The following DEPDC5 variants were observed in gnomAD, a reference collection of about 807,000 sequenced individuals.
DEPDC5 encodes the protein DEP domain containing 5, GATOR1 subcomplex subunit.
DEPDC5 carries 73 observed loss-of-function variants against 217.3 expected under a neutral mutation model. The ratio of observed to expected loss-of-function variants is 0.34; its 90% CI spans 0.28 to 0.41. DEPDC5 has a LOEUF of 0.41. Among genes scored for constraint, DEPDC5 ranks in the 10% least tolerant of loss-of-function variants. The pLI is 1.00. For missense variants in DEPDC5, 1,675 were observed against 2,070.1 expected (o/e 0.81, Z 3.70); for synonymous variants, 733 against 756.7 (o/e 0.97, Z 0.51).
In DEPDC5 at chr22:31,876,219, C is replaced by T. The variant is rs781064503; in HGVS notation, c.3759C>T (p.Tyr1253=). The change falls in exon 37 of 43, where the codon TAC becomes TAT. Residue 1253 remains tyrosine, a synonymous_variant. Coordinates refer to ENST00000651528, the MANE Select transcript of DEPDC5 (RefSeq NM_001242896.3). ...GCGAAGCCTGGCGGACCTTCATCTA[C>T]GGCTTCTATTTCTACAAGATAGTAA... ...ASGEAWRTFI[Y]GFYFYKIVTD... is the part of the protein sequence containing the mutation. 8.7e-6 allele frequency: 14 copies of T among 1,613,944 alleles called. No individual in the cohort carries two copies. The highest frequency in any genetic ancestry group is 1.7e-4 in the Middle Eastern group (1 of 5,992).
rs113767700 is a variant in DEPDC5, at chr22:31,818,871, T to C, written c.1667-151T>C. 1.2e-5 allele frequency: 9 copies of C among 738,290 alleles called. No homozygotes were observed. The African/African-American group carries it at 1.2e-4, about 10-fold the overall frequency. The allele number at this position is 738,290 out of a possible 1,614,324, so 45.7% of individuals were successfully genotyped here. On this transcript the variant is annotated intron_variant, in intron 21 of 42. Coordinates refer to ENST00000651528, the MANE Select transcript of DEPDC5 (RefSeq NM_001242896.3). ...CAAATGCAAACATATTTCATTTCTT[T>C]ATAGTTTGACAGTTTTGCTCATTTC... is the stretch of plus-strand genomic sequence containing the variant.
chr22:31,819,003 A>G lies in DEPDC5; in HGVS notation c.1667-19A>G. The stretch of plus-strand genomic sequence containing the variant: ...TTCTGTGGTTTTTCTTTGTGACTCA[A>G]CTCCATGATAACTGGCAGATGTCCT... On this transcript the variant is annotated intron_variant, in intron 21 of 42. Coordinates refer to ENST00000651528, the MANE Select transcript of DEPDC5 (RefSeq NM_001242896.3). 6.2e-7 allele frequency: 1 copy of G among 1,613,662 alleles called. No individual in the cohort carries two copies. The highest frequency in any genetic ancestry group is 1.1e-5 in the South Asian group (1 of 91,058).
intron 31 of DEPDC5, chr22:31,852,928 A>C (rs1005867916): frequency 6.6e-6 from 1 of 152,378 alleles, no homozygotes; most frequent in Non-Finnish European, 1.5e-5. Flanking sequence ...GAGGCAGCTG[A>C]AGCTGGATGG....
At chr22:31,880,107 CCCTA>C (rs2093134501) in intron 38 of DEPDC5, 1 of 282,198 alleles carries the variant, frequency 3.5e-6, no homozygotes, top group Admixed American at 4.5e-5. Flanking sequence ...CGGAGCCCCT[CCCTA>C]CAACCATAGC....
At chr22:31,758,682 A>G (rs902191906) in intron 3 of DEPDC5, 49 bp downstream of exon 3, 2 of 1,542,704 alleles carry the variant, frequency 1.3e-6, no homozygotes, top group Non-Finnish European at 1.8e-6. Context: ...CTGTTTCCAA[A>G]TGATGTCCAA....
chr22:31,846,961 G>A lies in DEPDC5; in HGVS notation c.3149G>A (p.Ser1050Asn). Residue 1050 changes from serine (S) to asparagine (N), a missense_variant, in exon 31 of 43, where the codon AGT becomes AAT. Coordinates refer to ENST00000651528, the MANE Select transcript of DEPDC5 (RefSeq NM_001242896.3). ...TCTGCCCTGTTGGAGATGGAGGCCA[G>A]TCAGAAGTAAGTGCTTGGTGGAAGA... is the stretch of plus-strand genomic sequence containing the variant. ...ALSALLEMEA[S>N]QKCLGEQQAA... is the part of the protein sequence containing the mutation. 1 of 1,614,258 alleles carries A rather than the reference G, an allele frequency of 6.2e-7. No homozygotes were observed. The highest frequency in any genetic ancestry group is 8.5e-7 in the Non-Finnish European group (1 of 1,180,046).
chr22:31,879,009 G>T (rs1219060766), intron 37 of DEPDC5, among the ~76,000 whole-genome samples: 1 of 127,284 alleles, frequency 7.9e-6, no homozygotes, highest in Non-Finnish European at 1.6e-5. Flanking sequence ...CAGCCTGGGC[G>T]ACAGAGCGAG....
chr22:31,802,565 G>GTA, intron 14 of DEPDC5, 139 bp from the exon 15 acceptor site: 1 of 969,996 alleles, frequency 1.0e-6, no homozygotes, highest in Non-Finnish European at 1.5e-6. Flanking sequence ...AGACAGATGC[G>GTA]TATACATTTA....
In DEPDC5 at chr22:31,879,611, T is replaced by G. The variant is rs2093120418; in HGVS notation, c.3892T>G (p.Phe1298Val). Residue 1298 changes from phenylalanine to valine, a missense_variant, in exon 38 of 43, where the codon TTT (phenylalanine) becomes GTT (valine). Phe to Val is a conservative substitution (Grantham distance 50). Transcript: ENST00000651528. ...SFQRKWFEVA[F>V]VAEELVHSEI... ...CCAGCGCAAGTGGTTTGAGGTGGCC[T>G]TTGTGGCAGAAGAGCTCGTGCACTC... 1 of 1,613,988 alleles carries G rather than the reference T, an allele frequency of 6.2e-7. No homozygotes were observed. The highest frequency in any genetic ancestry group is 2.2e-5 in the East Asian group (1 of 44,884).
chr22:31,836,849 A>C, intron 25 of DEPDC5, 123 bp from the exon 26 acceptor site: 10 of 892,564 alleles, frequency 1.1e-5, no homozygotes, highest in East Asian at 7.9e-5. Context: ...AATCCTGGCA[A>C]TTTTACCATC....
chr22:31,833,781 A>G, intron 24 of DEPDC5, 134 bp from the exon 25 acceptor site: 1 of 659,284 alleles, frequency 1.5e-6, no homozygotes, highest in Non-Finnish European at 2.5e-6. Flanking sequence ...TACTGTTTGA[A>G]ATACTCAGCA....
intron 18 of DEPDC5, among the ~76,000 whole-genome samples, chr22:31,809,400 C>T (rs2087969829): frequency 6.6e-6 from 1 of 152,190 alleles, no homozygotes; most frequent in Non-Finnish European, 1.5e-5. Context: ...TTGTAAGGGG[C>T]AGTCCATTCC....
Position 31,879,699 on chromosome 22 carries a change from A to C in DEPDC5, c.3980A>C (p.His1327Pro), listed in dbSNP as rs1307809640. 6.2e-7 allele frequency: 1 copy of C among 1,614,166 alleles called. No homozygotes were observed. The highest frequency in any genetic ancestry group is 1.7e-5 in the Admixed American group (1 of 60,020). Residue 1327 changes from histidine to proline, a missense_variant, in exon 38 of 43, where the codon CAC (histidine) becomes CCC (proline). His to Pro is a moderately conservative substitution (Grantham distance 77, BLOSUM62 -2). Coordinates refer to ENST00000651528, the MANE Select transcript of DEPDC5 (RefSeq NM_001242896.3). ...PSRPASYASR[H>P]SSFSRSFGGR... is the part of the protein sequence containing the mutation. ...CGGCCAGCCTCCTATGCAAGTAGGCACAGCTCCTTTAGCCGAAGTTTTGGA... is the reference window on the plus strand; with the variant it reads ...CGGCCAGCCTCCTATGCAAGTAGGCCCAGCTCCTTTAGCCGAAGTTTTGGA...
chr22:31,845,299 C>T (rs781705867), intron 30 of DEPDC5, 62 bp downstream of exon 30: 19 of 1,545,478 alleles, frequency 1.2e-5, no homozygotes, highest in Non-Finnish European at 1.6e-5. Flanking sequence ...GCCACCTCCT[C>T]TATTAGGGGC....
chr22:31,900,791 A>C (rs933816677), intron 40 of DEPDC5, among the ~76,000 whole-genome samples: 1 of 151,960 alleles, frequency 6.6e-6, no homozygotes, highest in African/African-American at 2.4e-5. Flanking sequence ...AGCAGCTTAC[A>C]TGGTCCAGGC....
intron 4 of DEPDC5, among the ~76,000 whole-genome samples, chr22:31,760,982 GT>G (rs201553511): frequency 6.0e-4 from 84 of 139,132 alleles, no homozygotes; most frequent in East Asian, 8.4e-4. Flanking sequence ...TCTTAACATT[GT>G]TTTTTTTTTT....
In DEPDC5 at chr22:31,865,955, G is replaced by A. The variant is rs145369213; in HGVS notation, c.3330+4522G>A. ...GAGCCCACTTAGCCCATTTGTCTCC[G>A]GGTAAGACAAAGGGGAGTGTCATCT... On this transcript the variant is annotated intron_variant, in intron 33 of 42. Transcript: ENST00000651528. Among the ~76,000 whole-genome samples, 6 of 152,160 alleles carry A rather than the reference G, an allele frequency of 3.9e-5. No homozygotes were observed. In the South Asian group the frequency reaches 6.2e-4, roughly 16 times the overall value.
chr22:31,862,289 G>A (rs1174598048), intron 33 of DEPDC5, among the ~76,000 whole-genome samples: 1 of 151,896 alleles, frequency 6.6e-6, no homozygotes, highest in Non-Finnish European at 1.5e-5. Flanking sequence ...ACGAGGCCAG[G>A]CACAGTGGCT....
chr22:31,784,740 T>G, intron 9 of DEPDC5, 74 bp from the exon 10 acceptor site: 1 of 1,433,028 alleles, frequency 7.0e-7, no homozygotes, highest in Middle Eastern at 1.8e-4. Flanking sequence ...AGAGAAGAAA[T>G]TAGAGAAGAA....
Sources: gnomAD v4.1 joint callset for allele counts (sites outside exome capture counted in the v4.1 genomes callset) on GRCh38, gnomAD v4.1.1 for gene constraint, MANE v1.5 for transcripts, NCBI Gene and HGNC (gene_info 2026-07-23, HGNC 2026-07-21) for gene names.